The following PDLIM1 variants were observed in gnomAD, a reference collection of about 807,000 sequenced individuals.
The protein encoded by PDLIM1 is PDZ and LIM domain protein 1.
Under a neutral mutation model 35.2 loss-of-function variants are expected in PDLIM1, and 25 were observed. That is an observed-to-expected ratio of 0.71 (90% CI 0.52 to 0.99). The LOEUF is 0.99. Among genes scored for constraint, PDLIM1 ranks in the 50% least tolerant of loss-of-function variants. The pLI is 0.00. For synonymous variants in PDLIM1, 152 were observed against 154.0 expected (o/e 0.99, Z 0.10); for missense variants, 363 against 415.3 (o/e 0.87, Z 1.09).
chr10:95,247,064 T>C (rs1564598211), intron 5 of PDLIM1, 151 bp downstream of exon 5: 12 of 687,906 alleles, frequency 1.7e-5, no homozygotes, highest in Admixed American at 2.5e-5. Context: ...TCTCTCTCTC[T>C]CCCTCTATCT....
chr10:95,243,544 C>T (rs891189446), intron 5 of PDLIM1, among the ~76,000 whole-genome samples: 2 of 152,224 alleles, frequency 1.3e-5, no homozygotes, highest in African/African-American at 2.4e-5. Flanking sequence ...ATATCTAACT[C>T]GAGATCACCC....
intron 1 of PDLIM1, among the ~76,000 whole-genome samples, chr10:95,273,952 T>C (rs1349364345): frequency 6.6e-6 from 1 of 152,234 alleles, no homozygotes; most frequent in Non-Finnish European, 1.5e-5. Flanking sequence ...TGGCAAGCGT[T>C]CTTGACTGAC....
In PDLIM1 at chr10:95,237,872, G is replaced by C; in HGVS notation, c.*53C>G. On this transcript the variant is annotated 3_prime_UTR_variant, in exon 7 of 7. Coordinates refer to ENST00000329399, the MANE Select transcript of PDLIM1 (RefSeq NM_020992.4). ...AGAGAGGAGAGGGCCAGAACACTGA[G>C]AGAAAAAGCTGCAGCAGAGGCCTGC... 6.6e-7 allele frequency: 1 copy of C among 1,512,192 alleles called. No homozygotes were observed. The highest frequency in any genetic ancestry group is 9.1e-7 in the Non-Finnish European group (1 of 1,097,616). The allele number at this position is 1,512,192 out of a possible 1,614,324, so 93.7% of individuals were successfully genotyped here.
rs368221788 is a variant in PDLIM1, at chr10:95,289,144, T to G, written c.96+1676A>C. On this transcript the variant is annotated intron_variant, in intron 1 of 6. Coordinates refer to ENST00000329399, the MANE Select transcript of PDLIM1 (RefSeq NM_020992.4). ...CTCCACTACTTAAAAAAGGGTTTCA[T>G]GTCATATATAAATCTCAGAAGTGGA... is the stretch of plus-strand genomic sequence containing the variant. Among the ~76,000 whole-genome samples the G allele has an allele frequency of 1.3e-4, 20 of 152,354 alleles. No homozygotes were observed. In the East Asian group the frequency reaches 3.7e-3, roughly 28 times the overall value.
chr10:95,238,160 AG>A (rs765276765), intron 6 of PDLIM1, 49 bp from the exon 7 acceptor site: 1 of 1,548,674 alleles, frequency 6.5e-7, no homozygotes, highest in Non-Finnish European at 8.8e-7. Context: ...AAGCACCTGC[AG>A]GTGGCACCTG....
At chr10:95,283,878 T>G (rs2035579397) in intron 1 of PDLIM1, among the ~76,000 whole-genome samples, 1 of 152,222 alleles carries the variant, frequency 6.6e-6, no homozygotes, top group Non-Finnish European at 1.5e-5. Flanking sequence ...GGCAAAGGTC[T>G]GCCATGATCC....
At position 95,247,249 on chromosome 10, in the gene PDLIM1, C is replaced by T; in HGVS notation, c.651G>A (p.Leu217=). 1 of 1,613,778 alleles carries T rather than the reference C, an allele frequency of 6.2e-7. No individual in the cohort carries two copies. The highest frequency in any genetic ancestry group is 8.5e-7 in the Non-Finnish European group (1 of 1,179,928). The change falls in exon 5 of 7, where the codon TTG becomes TTA. Residue 217 remains leucine, a synonymous_variant. Coordinates refer to ENST00000329399, the MANE Select transcript of PDLIM1 (RefSeq NM_020992.4). ...NEPPKQSTSF[L]VLQEILESEE... ...CAGACTCCAGGATTTCCTGCAAAACCAAGAAAGACGTGGACTGTTTCGGGG... is the reference window on the plus strand; with the variant it reads ...CAGACTCCAGGATTTCCTGCAAAACTAAGAAAGACGTGGACTGTTTCGGGG...
At chr10:95,242,083 G>A (rs2035183439) in intron 5 of PDLIM1, among the ~76,000 whole-genome samples, 2 of 152,174 alleles carry the variant, frequency 1.3e-5, no homozygotes, top group African/African-American at 4.8e-5. Context: ...ATGTCCACCT[G>A]GCAGCACATG....
chr10:95,247,642 T>C (rs2035233896), intron 4 of PDLIM1: 1 of 306,132 alleles, frequency 3.3e-6, no homozygotes, highest in South Asian at 1.1e-4. Flanking sequence ...GGAATGAGAA[T>C]GCTCTATCTC....
At chr10:95,264,861 G>A (rs147517982) in intron 3 of PDLIM1, among the ~76,000 whole-genome samples, 2 of 150,322 alleles carry the variant, frequency 1.3e-5, no homozygotes, top group African/African-American at 2.4e-5. Context: ...TTACAAACCC[G>A]CAAAGCCACT....
intron 4 of PDLIM1, among the ~76,000 whole-genome samples, chr10:95,250,212 T>C (rs542128877): frequency 6.6e-6 from 1 of 152,320 alleles, no homozygotes; most frequent in Non-Finnish European, 1.5e-5. Context: ...GGAATGTTCT[T>C]GGGAAAGATT....
At chr10:95,256,986 A>AAAAGAAAGAAAGAAAGAAAGAAAGAAAG (rs71034327) in intron 4 of PDLIM1, among the ~76,000 whole-genome samples, 114 of 61,642 alleles carry the variant, frequency 1.8e-3, no homozygotes, top group East Asian at 7.3e-3. Context: ...AAAAAAAAAA[A>AAAAGAAAGAAAGAAAGAAAGAAAGAAAG]AAAGAAAGAA....
chr10:95,278,574 C>T (rs1446594150), intron 1 of PDLIM1, among the ~76,000 whole-genome samples: 2 of 150,420 alleles, frequency 1.3e-5, no homozygotes, highest in Non-Finnish European at 3.0e-5. Flanking sequence ...CTGTGCAAAG[C>T]CACAAAAGGA....
chr10:95,269,974 T>C (rs1429463583), intron 2 of PDLIM1, among the ~76,000 whole-genome samples: 1 of 152,072 alleles, frequency 6.6e-6, no homozygotes, highest in Non-Finnish European at 1.5e-5. Context: ...TAACCTCAGG[T>C]GATCTACCCA....
intron 5 of PDLIM1, among the ~76,000 whole-genome samples, chr10:95,246,141 G>A (rs556879659): frequency 6.6e-6 from 1 of 152,280 alleles, no homozygotes; most frequent in African/African-American, 2.4e-5. Context: ...AGAGTGTGGA[G>A]GACTGGGCAT....
intron 4 of PDLIM1, among the ~76,000 whole-genome samples, chr10:95,254,081 G>A (rs1018843665): frequency 3.4e-4 from 51 of 152,012 alleles, no homozygotes; most frequent in African/African-American, 1.2e-3. Context: ...AACAGAAATG[G>A]AAAACAGAAA....
At chr10:95,269,338 G>A (rs1385861345) in intron 2 of PDLIM1, among the ~76,000 whole-genome samples, 2 of 152,202 alleles carry the variant, frequency 1.3e-5, no homozygotes, top group Non-Finnish European at 2.9e-5. Context: ...TTGGGAGGCT[G>A]AGGTGGGGAA....
intron 3 of PDLIM1, among the ~76,000 whole-genome samples, chr10:95,268,473 C>A (rs747648765): frequency 3.9e-5 from 6 of 152,178 alleles, no homozygotes; most frequent in Non-Finnish European, 5.9e-5. Flanking sequence ...CTGAATAGCT[C>A]CTTGACTTCA....
At chr10:95,249,570 G>A (rs1471999058) in intron 4 of PDLIM1, among the ~76,000 whole-genome samples, 1 of 152,160 alleles carries the variant, frequency 6.6e-6, no homozygotes, top group African/African-American at 2.4e-5. Context: ...CACTTTCACA[G>A]GTGCAAATGA....
Sources: allele counts gnomAD v4.1 joint callset (sites outside exome capture counted in the v4.1 genomes callset), GRCh38; gene constraint gnomAD v4.1.1; transcripts MANE v1.5; gene names NCBI Gene and HGNC (gene_info 2026-07-23, HGNC 2026-07-21).